Variants in GALNT10 observed in about 807,000 individuals in gnomAD.
The protein encoded by GALNT10 is polypeptide N-acetylgalactosaminyltransferase 10.
Under a neutral mutation model 75.0 loss-of-function variants are expected in GALNT10, and 41 were observed. The observed-to-expected ratio is 0.55, with a 90% CI of 0.43 to 0.71. The LOEUF (loss-of-function observed/expected upper bound fraction) is 0.71, where lower values mean the gene tolerates loss of function less well. Among genes scored for constraint, GALNT10 ranks in the 30% least tolerant of loss-of-function variants. The pLI, the probability that GALNT10 is intolerant of heterozygous loss-of-function variation, is 0.00. For synonymous variants in GALNT10, 302 were observed against 313.0 expected, an observed-to-expected ratio of 0.96 and a Z score of 0.37; for missense variants, 727 against 818.5, an observed-to-expected ratio of 0.89 and a Z score of 1.36.
intron 1 of GALNT10, among the ~76,000 whole-genome samples, chr5:154,288,450 A>T (rs922110997): frequency 7.2e-6 from 1 of 138,686 alleles, no homozygotes; most frequent in Admixed American, 6.9e-5. Context: ...GTGTTTGAAC[A>T]CTAATCGATT....
At chr5:154,224,919 T>C (rs903781490) in intron 1 of GALNT10, among the ~76,000 whole-genome samples, 14 of 151,812 alleles carry the variant, frequency 9.2e-5, no homozygotes, top group Admixed American at 9.2e-4. Context: ...TAGCTAGGAC[T>C]ACAGGTGTGC....
At chr5:154,193,471 A>G (rs980587686) in intron 1 of GALNT10, among the ~76,000 whole-genome samples, 2 of 152,224 alleles carry the variant, frequency 1.3e-5, no homozygotes, top group African/African-American at 4.8e-5. Context: ...TGGAACATAC[A>G]TGTAACATGC....
intron 3 of GALNT10, among the ~76,000 whole-genome samples, chr5:154,315,783 G>A (rs1754586826): frequency 6.6e-6 from 1 of 152,192 alleles, no homozygotes; most frequent in African/African-American, 2.4e-5. Context: ...GGAAGGCATG[G>A]GCAAGGTAGG....
chr5:154,208,497 T>C (rs187354870), intron 1 of GALNT10, among the ~76,000 whole-genome samples: 2 of 152,328 alleles, frequency 1.3e-5, no homozygotes, highest in Admixed American at 6.5e-5. Flanking sequence ...TCTCATTTCT[T>C]ACATTTTAAA....
chr5:154,274,908 C>T (rs944978966), intron 1 of GALNT10, among the ~76,000 whole-genome samples: 5 of 152,192 alleles, frequency 3.3e-5, no homozygotes, highest in African/African-American at 1.2e-4. Flanking sequence ...CTCGCCTCTC[C>T]CCCAGCCATC....
intron 7 of GALNT10, among the ~76,000 whole-genome samples, chr5:154,400,588 A>C (rs1054556684): frequency 1.3e-5 from 2 of 152,182 alleles, no homozygotes; most frequent in African/African-American, 2.4e-5. Flanking sequence ...ACAGGCAAAA[A>C]CAACAGATGC....
intron 1 of GALNT10, among the ~76,000 whole-genome samples, chr5:154,294,449 C>G (rs1242324522): frequency 6.6e-6 from 1 of 152,166 alleles, no homozygotes; most frequent in Non-Finnish European, 1.5e-5. Flanking sequence ...ACAACTTCAC[C>G]TACTTTTTTA....
chr5:154,257,536 G>T (rs1255279913), intron 1 of GALNT10, among the ~76,000 whole-genome samples: 1 of 152,108 alleles, frequency 6.6e-6, no homozygotes, highest in African/African-American at 2.4e-5. Context: ...TGAAAAGATG[G>T]CACGTGCCTA....
chr5:154,276,879 A>G (rs757055323), intron 1 of GALNT10, among the ~76,000 whole-genome samples: 2 of 152,148 alleles, frequency 1.3e-5, no homozygotes, highest in African/African-American at 4.8e-5. Flanking sequence ...CTCAGAAGAT[A>G]GGTGTTGTTT....
chr5:154,229,851 G>GTGAA (rs1239371465), intron 1 of GALNT10, among the ~76,000 whole-genome samples: 13 of 152,194 alleles, frequency 8.5e-5, no homozygotes, highest in Non-Finnish European at 1.8e-4. Flanking sequence ...GATAAACAAA[G>GTGAA]TGAATGAATG....
At chr5:154,353,954 C>T (rs931334444) in intron 4 of GALNT10, among the ~76,000 whole-genome samples, 4 of 152,204 alleles carry the variant, frequency 2.6e-5, no homozygotes, top group Non-Finnish European at 5.9e-5. Context: ...TGTCCCAGTA[C>T]TCGCCACAAT....
At chr5:154,345,656 A>G (rs1409352571) in intron 4 of GALNT10, among the ~76,000 whole-genome samples, 1 of 134,068 alleles carries the variant, frequency 7.5e-6, no homozygotes, top group Non-Finnish European at 1.6e-5. Context: ...TTTTTTTAAG[A>G]AAGAGTTTCA....
At chr5:154,195,944 C>T (rs1026532276) in intron 1 of GALNT10, among the ~76,000 whole-genome samples, 88 of 151,536 alleles carry the variant, frequency 5.8e-4, no homozygotes, top group Non-Finnish European at 8.8e-5. Flanking sequence ...TTTTTTGAAA[C>T]GGAGTTTTGC....
chr5:154,203,711 G>T (rs1389344001), intron 1 of GALNT10, among the ~76,000 whole-genome samples: 3 of 152,214 alleles, frequency 2.0e-5, no homozygotes, highest in Non-Finnish European at 2.9e-5. Context: ...GTGGAGGAAT[G>T]TATTGTTGAA....
chr5:154,347,674 G>A (rs1250654926), intron 4 of GALNT10, among the ~76,000 whole-genome samples: 1 of 152,160 alleles, frequency 6.6e-6, no homozygotes, highest in Non-Finnish European at 1.5e-5. Context: ...CTACTTCTAA[G>A]GATTTAATGC....
chr5:154,265,808 T>C (rs569118705), intron 1 of GALNT10, among the ~76,000 whole-genome samples: 60 of 152,220 alleles, frequency 3.9e-4, no homozygotes, highest in Non-Finnish European at 7.5e-4. Context: ...CTGGACCCTC[T>C]TACCCAGCTC....
At chr5:154,218,419 C>T (rs1752917515) in intron 1 of GALNT10, among the ~76,000 whole-genome samples, 1 of 152,158 alleles carries the variant, frequency 6.6e-6, no homozygotes, top group Non-Finnish European at 1.5e-5. Flanking sequence ...TCCCTGTGAC[C>T]TTGTACCAGT....
At chr5:154,195,991 C>T (rs1267240811) in intron 1 of GALNT10, among the ~76,000 whole-genome samples, 1 of 152,026 alleles carries the variant, frequency 6.6e-6, no homozygotes, top group African/African-American at 2.4e-5. Flanking sequence ...GGCGTGATCT[C>T]GGCCCATCGC....
intron 4 of GALNT10, among the ~76,000 whole-genome samples, chr5:154,341,182 A>C (rs1370191079): frequency 6.6e-6 from 1 of 152,206 alleles, no homozygotes; most frequent in Non-Finnish European, 1.5e-5. Flanking sequence ...TCACAGATGC[A>C]GGCTGCCTTT....
Sources: allele counts gnomAD v4.1 joint callset (sites outside exome capture counted in the v4.1 genomes callset), GRCh38; gene constraint gnomAD v4.1.1; transcripts MANE v1.5; gene names NCBI Gene and HGNC (gene_info 2026-07-23, HGNC 2026-07-21).